The following TFDP1 variants were observed in gnomAD, a reference collection of about 807,000 sequenced individuals.
TFDP1 encodes the protein DRTF1-polypeptide 1.
In TFDP1, 6 loss-of-function variants were observed where a neutral mutation model predicts 48.0. The observed-to-expected ratio is 0.13, with a 90% confidence interval of 0.07 to 0.25. The LOEUF (loss-of-function observed/expected upper bound fraction) is 0.25, where lower values mean the gene tolerates loss of function less well. Ranked by LOEUF, TFDP1 falls within the 10% of genes least tolerant of loss-of-function variation. TFDP1 has a pLI of 1.00. For synonymous variants in TFDP1, 201 were observed against 211.6 expected, an observed-to-expected ratio of 0.95 and a Z score of 0.44; for missense variants, 335 against 543.0, an observed-to-expected ratio of 0.62 and a Z score of 3.81.
At chr13:113,637,574 T>C in intron 10 of TFDP1, 2 of 1,499,766 alleles carry the variant, frequency 1.3e-6, no homozygotes, top group Non-Finnish European at 1.8e-6. Context: ...CGTTTGTAAG[T>C]CAGTGTGTGC....
At position 113,640,692 on chromosome 13, in the gene TFDP1, A is replaced by T; in HGVS notation, c.*425A>T. On this transcript the variant is annotated 3_prime_UTR_variant, in exon 12 of 12. Transcript: ENST00000375370. ...GTTTGGACGGCACCCCTGCTGGCGG[A>T]TAGCAAGACTCTGTGGAGTTTGTTC... 1 of 249,944 alleles carries T rather than the reference A, an allele frequency of 4.0e-6. No individual in the cohort carries two copies. Among genetic ancestry groups the T allele is most frequent in the East Asian group, 1.7e-4 (1 of 5,782 alleles). The allele number at this position is 249,944 out of a possible 1,614,324, so 15.5% of individuals were successfully genotyped here. A position where few individuals can be genotyped will look rare whatever the true frequency, so the allele number is the denominator to read the frequency against.
chr13:113,628,345 T>C (rs1397976625), intron 4 of TFDP1, among the ~76,000 whole-genome samples: 1 of 152,012 alleles, frequency 6.6e-6, no homozygotes, highest in African/African-American at 2.4e-5. Flanking sequence ...TCATTTACTT[T>C]CTCTGAAGCG....
intron 2 of TFDP1, among the ~76,000 whole-genome samples, chr13:113,586,984 A>G (rs963721258): frequency 2.0e-5 from 3 of 152,212 alleles, no homozygotes; most frequent in Admixed American, 1.3e-4. Flanking sequence ...CGCGCAAGCC[A>G]TGTTCATTAC....
chr13:113,612,848 G>A (rs1469556208), intron 3 of TFDP1, among the ~76,000 whole-genome samples: 1 of 152,152 alleles, frequency 6.6e-6, no homozygotes, highest in Non-Finnish European at 1.5e-5. Flanking sequence ...GTTTTGAGCC[G>A]GCCCAGCAGG....
intron 4 of TFDP1, among the ~76,000 whole-genome samples, chr13:113,626,641 T>A (rs1028496381): frequency 6.6e-6 from 1 of 152,334 alleles, no homozygotes; most frequent in South Asian, 2.1e-4. Context: ...AAACTTGCTC[T>A]GCAGAAGTTT....
At chr13:113,593,295 T>C (rs367851891) in intron 2 of TFDP1, among the ~76,000 whole-genome samples, 114 of 113,030 alleles carry the variant, frequency 1.0e-3, no homozygotes, top group East Asian at 2.5e-3. Flanking sequence ...CTCAGCCCTG[T>C]CCAGGTGACA....
In TFDP1 at chr13:113,633,937, C is replaced by T. The variant is rs765833697; in HGVS notation, c.522C>T (p.Asn174=). 2.2e-5 allele frequency: 35 copies of T among 1,614,038 alleles called. No individual in the cohort carries two copies. Among genetic ancestry groups the T allele is most frequent in the African/African-American group, 9.3e-5 (7 of 74,916 alleles). ...NIRRRVYDAL[N]VLMAMNIISK... ...GACGGCGCGTCTACGATGCCTTAAA[C>T]GTGCTAATGGCCATGAACATCATCT... Residue 174 remains asparagine (N), a synonymous_variant, in exon 7 of 12, where the codon AAC becomes AAT. Coordinates refer to ENST00000375370, the MANE Select transcript of TFDP1 (RefSeq NM_007111.5). This position sits in a 1 kb window ranked among gnomAD's most constrained non-coding sequence, Gnocchi z 4.5.
intron 3 of TFDP1, among the ~76,000 whole-genome samples, chr13:113,614,217 GAT>G (rs2048798091): frequency 1.3e-5 from 2 of 151,696 alleles, no homozygotes; most frequent in South Asian, 2.1e-4. Flanking sequence ...AGTTGAGTAT[GAT>G]GTGTGTGCGT....
chr13:113,613,596 G>C lies in TFDP1; in HGVS notation c.79+2534G>C, dbSNP rs9603850. 3.1e-5 allele frequency among the ~76,000 whole-genome samples: 4 copies of C among 128,822 alleles called. 1 individual carries two copies. The highest frequency in any genetic ancestry group is 6.6e-5 in the African/African-American group (2 of 30,510). The allele number at this position is 128,822 out of a possible 152,430, so 84.5% of individuals were successfully genotyped here. On this transcript the variant is annotated intron_variant, in intron 3 of 11. Coordinates refer to ENST00000375370, the MANE Select transcript of TFDP1 (RefSeq NM_007111.5). ...AGTGTGTGTGTGCATGAGTGTGTGTGTGTATGCGTGAATGCGTGGGTATGT... is the reference window on the plus strand; with the variant it reads ...AGTGTGTGTGTGCATGAGTGTGTGTCTGTATGCGTGAATGCGTGGGTATGT...
At chr13:113,602,303 C>CAA (rs940908811) in intron 2 of TFDP1, among the ~76,000 whole-genome samples, 3 of 149,810 alleles carry the variant, frequency 2.0e-5, no homozygotes, top group African/African-American at 7.4e-5. Flanking sequence ...CAGAGTTACC[C>CAA]GCAGGAGTTG....
At chr13:113,616,661 G>A (rs1302033484) in intron 3 of TFDP1, among the ~76,000 whole-genome samples, 1 of 152,196 alleles carries the variant, frequency 6.6e-6, no homozygotes, top group Non-Finnish European at 1.5e-5. Flanking sequence ...CTAAGTGGAG[G>A]AGGAAATTTA....
chr13:113,608,916 G>T (rs1489508987), intron 2 of TFDP1, among the ~76,000 whole-genome samples: 1 of 152,144 alleles, frequency 6.6e-6, no homozygotes, highest in Non-Finnish European at 1.5e-5. Context: ...CAGGCTTAAC[G>T]TCTCGGCCTT....
intron 2 of TFDP1, among the ~76,000 whole-genome samples, chr13:113,601,579 A>G (rs1381547551): frequency 6.6e-6 from 1 of 152,186 alleles, no homozygotes; most frequent in Non-Finnish European, 1.5e-5. Flanking sequence ...AGGGATGGCT[A>G]GGGCCACCGG....
intron 9 of TFDP1, 30 bp from the exon 10 acceptor site, chr13:113,636,502 CCT>C: frequency 6.2e-7 from 1 of 1,609,342 alleles, no homozygotes; most frequent in Non-Finnish European, 8.5e-7. Context: ...GCTGGGAGAC[CCT>C]GTCTTTCTGA....
rs931575353 is a variant in TFDP1, at chr13:113,627,251, A to G, written c.186+3965A>G. ...AGCAGGCGCAGGGCTTGTCAAGGTC[A>G]GGGTCTTTTGAGGTGCGGATGCTTG... On this transcript the variant is annotated intron_variant, in intron 4 of 11. Transcript: ENST00000375370. The surrounding 1 kb of genome is among the most constrained non-coding windows in gnomAD (Gnocchi z 4.1). Among the ~76,000 whole-genome samples the G allele has an allele frequency of 2.0e-5, 3 of 152,172 alleles. No homozygotes were observed. Among genetic ancestry groups the G allele is most frequent in the Non-Finnish European group, 2.9e-5 (2 of 68,024 alleles).
chr13:113,602,985 A>AAAAAAC (rs58126506), intron 2 of TFDP1, among the ~76,000 whole-genome samples: 2,048 of 146,930 alleles, frequency 0.014, 38 homozygotes, highest in Middle Eastern at 0.043. Context: ...AAAAAAAAAA[A>AAAAAAC]ACGTATAATT....
chr13:113,612,775 GTT>G (rs2048736958), intron 3 of TFDP1, among the ~76,000 whole-genome samples: 2 of 152,342 alleles, frequency 1.3e-5, no homozygotes, highest in South Asian at 2.1e-4. Flanking sequence ...GAGCTGAAGA[GTT>G]GAATTGCAGG....
chr13:113,616,219 A>G (rs2048854126), intron 3 of TFDP1, among the ~76,000 whole-genome samples: 2 of 141,798 alleles, frequency 1.4e-5, no homozygotes, highest in Admixed American at 7.1e-5. Flanking sequence ...AAAAAAAAAA[A>G]AGAGTAAGTG....
intron 3 of TFDP1, among the ~76,000 whole-genome samples, chr13:113,618,024 A>G (rs952316702): frequency 2.0e-5 from 3 of 152,254 alleles, no homozygotes; most frequent in African/African-American, 4.8e-5. Context: ...AATGTTTTTA[A>G]TTAGTTCATT....
Sources: gnomAD v4.1 joint callset for allele counts (sites outside exome capture counted in the v4.1 genomes callset) on GRCh38, gnomAD v4.1.1 for gene constraint, Gnocchi (gnomAD v3.1) non-coding constraint, MANE v1.5 for transcripts, NCBI Gene and HGNC (gene_info 2026-07-23, HGNC 2026-07-21) for gene names.